Variants in ADGRV1 observed in about 807,000 individuals in gnomAD.
ADGRV1 encodes adhesion G protein-coupled receptor V1.
In ADGRV1, 359 loss-of-function variants were observed where a neutral mutation model predicts 596.2. The ratio of observed to expected loss-of-function variants is 0.60; its 90% CI spans 0.55 to 0.66. The LOEUF is 0.66. Ranked by LOEUF, ADGRV1 falls within the 30% of genes least tolerant of loss-of-function variation. The probability of loss-of-function intolerance (pLI) is 0.00; values close to 1 mark genes in which losing one functional copy is unlikely to be tolerated. For missense variants in ADGRV1, 7,274 were observed against 7,575.6 expected, an observed-to-expected ratio of 0.96 and a Z score of 1.48; for synonymous variants, 2,681 against 2,679.2, an observed-to-expected ratio of 1.00 and a Z score of -0.02.
chr5:91,032,453 C>T (rs541486553), intron 85 of ADGRV1, among the ~76,000 whole-genome samples: 156 of 152,144 alleles, frequency 1.0e-3, no homozygotes, highest in Admixed American at 1.9e-3. Flanking sequence ...AATTTAGAGT[C>T]GTCTATCTCT....
chr5:90,901,405 C>T (rs1771826583), intron 83 of ADGRV1, among the ~76,000 whole-genome samples: 1 of 152,120 alleles, frequency 6.6e-6, no homozygotes, highest in Non-Finnish European at 1.5e-5. Context: ...TTGAGAAATT[C>T]AGCTGCCCTT....
At chr5:90,748,035 A>G (rs982317124) in intron 52 of ADGRV1, among the ~76,000 whole-genome samples, 8 of 152,240 alleles carry the variant, frequency 5.3e-5, no homozygotes, top group Admixed American at 1.3e-4. Flanking sequence ...GGGCAAGGAC[A>G]GAAATAGACC....
chr5:90,971,996 G>A (rs1441913188), intron 84 of ADGRV1, among the ~76,000 whole-genome samples: 1 of 152,168 alleles, frequency 6.6e-6, no homozygotes, highest in African/African-American at 2.4e-5. Flanking sequence ...AAAATAAAGG[G>A]ATGGAGGAAA....
rs756325409 is a variant in ADGRV1 at position 90,985,516 on chromosome 5, G to T, written c.18146G>T (p.Gly6049Val). Residue 6049 changes from glycine to valine, a missense_variant, in exon 85 of 90, where the codon GGT (glycine) becomes GTT (valine). Gly to Val is a moderately radical substitution (Grantham distance 109). Coordinates refer to ENST00000405460, the MANE Select transcript of ADGRV1 (RefSeq NM_032119.4). ...SMSQIYGLIH[G>V]DLCFIPNVYA... ...TCACAGATCTATGGACTCATTCATGGTGACCTGTAAGTACACCCAGGCAAC... is the reference window on the plus strand; with the variant it reads ...TCACAGATCTATGGACTCATTCATGTTGACCTGTAAGTACACCCAGGCAAC... 56 of 1,613,060 alleles carry T rather than the reference G, an allele frequency of 3.5e-5. No homozygotes were observed. Among genetic ancestry groups the T allele is most frequent in the Non-Finnish European group, 4.5e-5 (53 of 1,179,308 alleles).
intron 86 of ADGRV1, among the ~76,000 whole-genome samples, chr5:91,074,380 A>C (rs1002280348): frequency 6.6e-6 from 1 of 152,072 alleles, no homozygotes; most frequent in African/African-American, 2.4e-5. Context: ...CTTTGTGTCT[A>C]TATGTACTCA....
chr5:90,709,222 G>A (rs1749010278), intron 39 of ADGRV1, among the ~76,000 whole-genome samples: 1 of 152,054 alleles, frequency 6.6e-6, no homozygotes, highest in South Asian at 2.1e-4. Flanking sequence ...GCTGTTTTCA[G>A]TAGATCTCCA....
intron 1 of ADGRV1, among the ~76,000 whole-genome samples, chr5:90,606,558 C>T (rs924457490): frequency 6.6e-6 from 1 of 152,310 alleles, no homozygotes; most frequent in East Asian, 1.9e-4. Flanking sequence ...TCCAGGTAGA[C>T]ATTCGTGTTG....
intron 83 of ADGRV1, among the ~76,000 whole-genome samples, chr5:90,884,513 C>T (rs553399176): frequency 4.6e-5 from 7 of 152,084 alleles, no homozygotes; most frequent in Non-Finnish European, 7.4e-5. Flanking sequence ...TACATTTTTA[C>T]AGTATTGTTT....
intron 82 of ADGRV1, among the ~76,000 whole-genome samples, chr5:90,863,044 G>C (rs1767756401): frequency 6.6e-6 from 1 of 152,144 alleles, no homozygotes; most frequent in South Asian, 2.1e-4. Flanking sequence ...GTAATCCTTA[G>C]ACAAAATAAC....
intron 21 of ADGRV1, among the ~76,000 whole-genome samples, chr5:90,670,137 A>G (rs189035376): frequency 1.7e-3 from 252 of 152,244 alleles, no homozygotes; most frequent in Non-Finnish European, 2.3e-3. Flanking sequence ...CATTTCTAGG[A>G]TATTTATTTC....
rs192915317 is a variant in ADGRV1 at position 90,927,652 on chromosome 5, T to G, written c.17857-37763T>G. On this transcript the variant is annotated intron_variant, in intron 83 of 89. Coordinates refer to ENST00000405460, the MANE Select transcript of ADGRV1 (RefSeq NM_032119.4). ...TTTACATTTAAAGTTAATGTTGTTA[T>G]GTGTGAATTTGATCCTGTCATTATG... 2.1e-3 allele frequency among the ~76,000 whole-genome samples: 316 copies of G among 152,296 alleles called. 3 individuals carry two copies. The highest frequency in any genetic ancestry group is 0.014 in the Admixed American group (210 of 15,296).
chr5:90,564,489 GGAAATGTT>G (rs1258800461), intron 1 of ADGRV1, among the ~76,000 whole-genome samples: 1 of 152,156 alleles, frequency 6.6e-6, no homozygotes, highest in Non-Finnish European at 1.5e-5. Context: ...TAACCTGGCT[GGAAATGTT>G]GAAAGAAGAG....
At position 90,622,601 on chromosome 5, in the gene ADGRV1, C is replaced by T; in HGVS notation, c.458C>T (p.Pro153Leu). 7.0e-7 allele frequency: 1 copy of T among 1,432,940 alleles called. No homozygotes were observed. Among genetic ancestry groups the T allele is most frequent in the Non-Finnish European group, 9.2e-7 (1 of 1,087,328 alleles). 88.8% of individuals were successfully genotyped at this position (1,432,940 alleles called of 1,614,324 possible). ...AFGIISFNML[P>L]SIAVSEPKGR... ...TGTGCTTGCTTTCCTCAATAGCTTCCCTCAATCGCAGTGAGTGAGCCCAAG... is the reference window on the plus strand; with the variant it reads ...TGTGCTTGCTTTCCTCAATAGCTTCTCTCAATCGCAGTGAGTGAGCCCAAG... The change falls in exon 5 of 90, where the codon CCC becomes CTC. Residue 153 changes from proline to leucine, a missense_variant. Pro to Leu is a moderately conservative substitution (Grantham distance 98). Transcript: ENST00000405460.
chr5:90,979,817 A>C (rs925332738), intron 84 of ADGRV1, among the ~76,000 whole-genome samples: 5 of 152,218 alleles, frequency 3.3e-5, no homozygotes, highest in African/African-American at 1.2e-4. Context: ...AGCCAAGTGA[A>C]ATTGGCCAAA....
In ADGRV1 at chr5:90,683,881, C is replaced by T. The variant is rs4916685; in HGVS notation, c.5960C>T (p.Pro1987Leu). The change falls in exon 28 of 90, where the codon CCT becomes CTT. Residue 1987 changes from proline to leucine, a missense_variant. Around this residue, in one of 5 missense-constraint regions of ADGRV1, gnomAD observed 3,643 missense variants for 3,809.2 expected, o/e 0.96. Transcript: ENST00000405460. ...TTCATTTTTTCTGAGAAAAACAGAC[C>T]TGTTAAAGTTGAGGAAGCAACCCAG... ...GIFIFSEKNR[P>L]VKVEEATQNI... 557,139 of 1,612,646 alleles carry T rather than the reference C, an allele frequency of 0.35. 98,953 individuals are homozygous for T. Among genetic ancestry groups the T allele is most frequent in the Admixed American group, 0.55 (32,759 of 59,828 alleles).
At chr5:91,014,496 A>G (rs190679762) in intron 85 of ADGRV1, among the ~76,000 whole-genome samples, 132 of 151,864 alleles carry the variant, frequency 8.7e-4, no homozygotes, top group Non-Finnish European at 1.7e-3. Flanking sequence ...CTGTAAATCC[A>G]TCAGGTCCTG....
intron 45 of ADGRV1, among the ~76,000 whole-genome samples, chr5:90,721,615 C>A (rs1478178985): frequency 8.9e-6 from 1 of 112,840 alleles, no homozygotes; most frequent in East Asian, 2.4e-4. Context: ...CTATGCCAGG[C>A]ATGGCACTGA....
intron 25 of ADGRV1, among the ~76,000 whole-genome samples, chr5:90,678,724 C>G (rs934094927): frequency 1.1e-4 from 17 of 150,610 alleles, no homozygotes; most frequent in Non-Finnish European, 1.5e-4. Context: ...CCCATTCTTG[C>G]AATAATGAAC....
At chr5:90,854,225 ATC>A (rs1183880764) in intron 81 of ADGRV1, 24 bp downstream of exon 81, 1 of 1,510,180 alleles carries the variant, frequency 6.6e-7, no homozygotes, top group East Asian at 2.5e-5. Context: ...AAATAAAAAA[ATC>A]AGAATTTGGT....
Sources: gnomAD v4.1 joint callset for allele counts (sites outside exome capture counted in the v4.1 genomes callset) on GRCh38, gnomAD v4.1.1 for gene constraint, gnomAD v4.1.1 regional missense constraint, MANE v1.5 for transcripts, NCBI Gene and HGNC (gene_info 2026-07-23, HGNC 2026-07-21) for gene names.